Variants in DTNBP1 observed in about 807,000 individuals in gnomAD.
The protein encoded by DTNBP1 is dystrobrevin binding protein 1.
DTNBP1 carries 35 observed loss-of-function variants against 42.8 expected under a neutral mutation model. That is an observed-to-expected ratio of 0.82 (90% confidence interval 0.63 to 1.09). The LOEUF (loss-of-function observed/expected upper bound fraction) is 1.09. Among genes scored for constraint, DTNBP1 ranks in the 50% least tolerant of loss-of-function variants. DTNBP1 has a pLI of 0.00. For synonymous variants in DTNBP1, 171 were observed against 162.2 expected, an observed-to-expected ratio of 1.05 and a Z score of -0.41; for missense variants, 457 against 424.2, an observed-to-expected ratio of 1.08 and a Z score of -0.68.
At chr6:15,564,718 G>A (rs911301952) in intron 7 of DTNBP1, among the ~76,000 whole-genome samples, 1 of 151,982 alleles carries the variant, frequency 6.6e-6, no homozygotes, top group African/African-American at 2.4e-5. Flanking sequence ...CTAAGAAATA[G>A]GCAAAATATT....
intron 6 of DTNBP1, among the ~76,000 whole-genome samples, chr6:15,593,585 C>T (rs1455842593): frequency 3.3e-5 from 5 of 152,202 alleles, no homozygotes; most frequent in Admixed American, 6.5e-5. Context: ...AGGTGCACAG[C>T]TCATGCCACA....
rs547105032 is a variant in DTNBP1 at position 15,651,177 on chromosome 6, T to A, written c.161+136A>T. The A allele has an allele frequency of 1.2e-5, 10 of 826,950 alleles. No individual in the cohort carries two copies. The South Asian group carries it at 1.5e-4, about 13-fold the overall frequency. The allele number at this position is 826,950 out of a possible 1,614,324, so 51.2% of individuals were successfully genotyped here. On this transcript the variant is annotated intron_variant, in intron 3 of 9. Transcript: ENST00000344537. ...AAGTGAAAGCCCTCAAGGAAAATAA[T>A]ACATAAATAATTTCCAATCACTGCA...
intron 6 of DTNBP1, among the ~76,000 whole-genome samples, chr6:15,614,895 G>A (rs965959796): frequency 6.6e-6 from 1 of 152,204 alleles, no homozygotes; most frequent in Non-Finnish European, 1.5e-5. Context: ...CACAGCCTGA[G>A]CTCATGCTCC....
chr6:15,524,116 C>T, intron 9 of DTNBP1: 1 of 1,353,018 alleles, frequency 7.4e-7, no homozygotes, highest in African/African-American at 1.5e-5. Context: ...ATGGCTTTGC[C>T]CATGGCAGGC....
intron 8 of DTNBP1, among the ~76,000 whole-genome samples, chr6:15,531,373 C>T (rs13437303): frequency 0.14 from 20,706 of 152,122 alleles, 1,897 homozygotes; most frequent in African/African-American, 0.26. Flanking sequence ...GCAGCAAACA[C>T]GGAAGCACCA....
intron 8 of DTNBP1, among the ~76,000 whole-genome samples, chr6:15,525,554 C>A (rs1313713223): frequency 6.6e-6 from 1 of 152,198 alleles, no homozygotes; most frequent in East Asian, 1.9e-4. Flanking sequence ...GCTGTTCATA[C>A]ACCACAGTCA....
chr6:15,528,006 T>C (rs1363820499), intron 8 of DTNBP1, among the ~76,000 whole-genome samples: 1 of 152,190 alleles, frequency 6.6e-6, no homozygotes, highest in Non-Finnish European at 1.5e-5. Flanking sequence ...CACTCAGGAA[T>C]GCATGAGACA....
chr6:15,625,026 T>C (rs1759260393), intron 5 of DTNBP1, among the ~76,000 whole-genome samples: 2 of 152,242 alleles, frequency 1.3e-5, no homozygotes, highest in South Asian at 4.1e-4. Context: ...AAAGCTTAAA[T>C]TGCTTAGCTA....
intron 7 of DTNBP1, among the ~76,000 whole-genome samples, chr6:15,541,877 G>A (rs1021834919): frequency 6.6e-6 from 1 of 152,056 alleles, no homozygotes; most frequent in African/African-American, 2.4e-5. Context: ...ACCGAGATAG[G>A]TAATAAATAT....
At chr6:15,590,541 C>T (rs1415757756) in intron 7 of DTNBP1, among the ~76,000 whole-genome samples, 2 of 152,142 alleles carry the variant, frequency 1.3e-5, no homozygotes, top group African/African-American at 2.4e-5. Flanking sequence ...CTTATGTACT[C>T]TACATGTGCT....
chr6:15,637,952 T>G (rs930533735), intron 3 of DTNBP1, 148 bp from the exon 4 acceptor site: 8 of 818,628 alleles, frequency 9.8e-6, no homozygotes, highest in Non-Finnish European at 1.4e-5. Context: ...GACGTCAACT[T>G]GACAGAGCTT....
intron 9 of DTNBP1, chr6:15,524,310 C>T: frequency 6.2e-7 from 1 of 1,610,852 alleles, no homozygotes; most frequent in Non-Finnish European, 8.5e-7. Context: ...CGGAGTGGAG[C>T]ATGTCAAATC....
In DTNBP1 at chr6:15,649,237, T is replaced by C. The variant is rs138452943; in HGVS notation, c.161+2076A>G. Among the ~76,000 whole-genome samples, 636 of 152,216 alleles carry C rather than the reference T, an allele frequency of 4.2e-3. 5 individuals carry two copies. The highest frequency in any genetic ancestry group is 0.014 in the African/African-American group (593 of 41,562). ...CATGTTCCTAGCAGCAAGCAGTATT[T>C]AGAACAGCCAAAAAGTGGAAGCAAC... On this transcript the variant is annotated intron_variant, in intron 3 of 9. Coordinates refer to ENST00000344537, the MANE Select transcript of DTNBP1 (RefSeq NM_032122.5).
At chr6:15,577,385 G>C (rs1405343314) in intron 7 of DTNBP1, among the ~76,000 whole-genome samples, 1 of 152,230 alleles carries the variant, frequency 6.6e-6, no homozygotes, top group Non-Finnish European at 1.5e-5. Flanking sequence ...ATGCCCGCAC[G>C]GCAGCCCAGA....
intron 7 of DTNBP1, among the ~76,000 whole-genome samples, chr6:15,580,320 C>T (rs147576397): frequency 3.6e-4 from 55 of 152,168 alleles, no homozygotes; most frequent in African/African-American, 1.2e-3. Flanking sequence ...TAGATAAAGT[C>T]ACAGACATTG....
chr6:15,551,572 T>C (rs2113417135), intron 7 of DTNBP1, among the ~76,000 whole-genome samples: 1 of 152,192 alleles, frequency 6.6e-6, no homozygotes, highest in Admixed American at 6.5e-5. Context: ...ACCCTCCACA[T>C]CTCAGCTCGA....
intron 6 of DTNBP1, among the ~76,000 whole-genome samples, chr6:15,602,074 CT>C (rs1174457865): frequency 2.0e-5 from 3 of 152,194 alleles, no homozygotes; most frequent in Admixed American, 2.0e-4. Flanking sequence ...TACCAAAACC[CT>C]GTCTGAAAAC....
At chr6:15,610,358 C>G (rs552854864) in intron 6 of DTNBP1, among the ~76,000 whole-genome samples, 99 of 152,304 alleles carry the variant, frequency 6.5e-4, no homozygotes, top group Non-Finnish European at 1.2e-3. Context: ...CACTGACCAG[C>G]CATTCTCCAA....
chr6:15,539,347 G>A (rs1773425919), intron 7 of DTNBP1, among the ~76,000 whole-genome samples: 2 of 152,174 alleles, frequency 1.3e-5, no homozygotes, highest in African/African-American at 4.8e-5. Context: ...CTGCCACAGT[G>A]GGAAGAGTTT....
Sources: gnomAD v4.1 joint callset for allele counts (sites outside exome capture counted in the v4.1 genomes callset) on GRCh38, gnomAD v4.1.1 for gene constraint, MANE v1.5 for transcripts, NCBI Gene and HGNC (gene_info 2026-07-23, HGNC 2026-07-21) for gene names.